Variants in MIA3 observed in about 807,000 individuals in gnomAD.
MIA3 encodes the protein transport and Golgi organization protein 1 homolog.
A neutral mutation model predicts 192.4 loss-of-function variants in MIA3; 90 were observed. That is an observed-to-expected ratio of 0.47 (90% confidence interval 0.39 to 0.56). The LOEUF (loss-of-function observed/expected upper bound fraction) is 0.56. Among genes scored for constraint, MIA3 ranks in the 20% least tolerant of loss-of-function variants. MIA3 has a pLI of 0.00. For synonymous variants in MIA3, 740 were observed against 792.8 expected, an observed-to-expected ratio of 0.93 and a Z score of 1.12; for missense variants, 2,123 against 2,269.4, an observed-to-expected ratio of 0.94 and a Z score of 1.31.
chr1:222,624,727 T>G, intron 2 of MIA3, 41 bp from the exon 3 acceptor site: 1 of 915,624 alleles, frequency 1.1e-6, no homozygotes, highest in Non-Finnish European at 1.8e-6. Flanking sequence ...TCATACAGAA[T>G]TTGATTGATA....
intron 6 of MIA3, chr1:222,644,673 T>C: frequency 1.4e-6 from 2 of 1,404,270 alleles, no homozygotes; most frequent in Non-Finnish European, 2.0e-6. Context: ...TGATTGTCTG[T>C]GCAAAGGAGA....
chr1:222,629,717 A>T lies in MIA3; in HGVS notation c.2497A>T (p.Ser833Cys). 1 of 1,614,220 alleles carries T rather than the reference A, an allele frequency of 6.2e-7. No homozygotes were observed. The highest frequency in any genetic ancestry group is 8.5e-7 in the Non-Finnish European group (1 of 1,180,030). The change falls in exon 4 of 28, where the codon AGC becomes TGC. Residue 833 changes from serine to cysteine, a missense_variant. This residue lies in a region of MIA3 where 1,357 missense variants were observed against 1,396.1 expected (regional missense o/e 0.97). Transcript: ENST00000344922. ...RPFERSDFSDSIKIQTPELGE... is the reference protein window; with the variant it reads ...RPFERSDFSDCIKIQTPELGE... ...ATTTGAACGAAGTGACTTTTCTGAC[A>T]GCATAAAAATTCAGACTCCAGAATT...
rs779009547 is a variant in MIA3 at position 222,629,239 on chromosome 1, G to C, written c.2019G>C (p.Glu673Asp). 4.3e-6 allele frequency: 7 copies of C among 1,614,104 alleles called. No homozygotes were observed. In the African/African-American group the frequency reaches 9.3e-5, roughly 22 times the overall value. Reference sequence around the variant, plus strand: ...CCACAGCCAGTAAGCAAATGAGTGAGAAGATAAGGCTCTCTGAGGGAGAAG... The same window carrying C: ...CCACAGCCAGTAAGCAAATGAGTGACAAGATAAGGCTCTCTGAGGGAGAAG... ...VAATASKQMS[E>D]KIRLSEGEAK... Residue 673 changes from glutamate (E) to aspartate (D), a missense_variant, in exon 4 of 28, where the codon GAG becomes GAC. Physicochemically the swap from Glu to Asp is conservative, Grantham distance 45. This residue lies in a region of MIA3 where 1,357 missense variants were observed against 1,396.1 expected (regional missense o/e 0.97). Transcript: ENST00000344922.
rs1663500980 is a variant in MIA3, at chr1:222,652,606, G to A, written c.4086+274G>A. 6.6e-6 allele frequency among the ~76,000 whole-genome samples: 1 copy of A among 152,196 alleles called. No homozygotes were observed. Among genetic ancestry groups the A allele is most frequent in the African/African-American group, 2.4e-5 (1 of 41,438 alleles). ...GCTATTAACTTGAGTAGCCTCGAGT[G>A]GGTAGTAGATTGGCTTTTTAGACCC... On this transcript the variant is annotated intron_variant, in intron 13 of 27. Transcript: ENST00000344922.
At chr1:222,644,290 G>A in intron 6 of MIA3, 1 of 1,410,134 alleles carries the variant, frequency 7.1e-7, no homozygotes, top group Non-Finnish European at 9.3e-7. Context: ...GTGCGCCAGG[G>A]GCAGTGGCTG....
chr1:222,647,998 G>T, intron 7 of MIA3: 1 of 314,344 alleles, frequency 3.2e-6, no homozygotes, highest in Non-Finnish European at 6.8e-6. Context: ...TTGTGGACTG[G>T]TGTTAGTATC....
Position 222,648,862 on chromosome 1 carries a change from G to T in MIA3, c.3631+12G>T. On this transcript the variant is annotated intron_variant, in intron 8 of 27. Transcript: ENST00000344922. ...TAGAGTATATCAAGGTAAATCTTTAGGCTTTTTTGTTATTTGTACTAGTCC... is the reference window on the plus strand; with the variant it reads ...TAGAGTATATCAAGGTAAATCTTTATGCTTTTTTGTTATTTGTACTAGTCC... 6.9e-7 allele frequency: 1 copy of T among 1,441,890 alleles called. No individual in the cohort carries two copies. The highest frequency in any genetic ancestry group is 9.7e-7 in the Non-Finnish European group (1 of 1,033,636). The allele number at this position is 1,441,890 out of a possible 1,614,324, so 89.3% of individuals were successfully genotyped here.
chr1:222,662,240 T>C lies in MIA3; in HGVS notation c.5183-13T>C. ...TCAGAATAAGTCTACATCAGTTCTC[T>C]GGTCTTTAACAGATCCAGGATCTGG... On this transcript the variant is annotated splice_polypyrimidine_tract_variant and intron_variant, in intron 25 of 27. Transcript: ENST00000344922. 1.2e-6 allele frequency: 2 copies of C among 1,612,318 alleles called. No homozygotes were observed. Among genetic ancestry groups the C allele is most frequent in the Non-Finnish European group, 1.7e-6 (2 of 1,178,386 alleles).
chr1:222,648,792 G>GT, intron 7 of MIA3, 37 bp from the exon 8 acceptor site: 1 of 1,132,596 alleles, frequency 8.8e-7, no homozygotes. Flanking sequence ...TTAATAAAAT[G>GT]TTTGACATCA....
intron 6 of MIA3, among the ~76,000 whole-genome samples, chr1:222,641,075 G>A (rs1662831054): frequency 6.6e-6 from 1 of 152,204 alleles, no homozygotes; most frequent in South Asian, 2.1e-4. Context: ...ATGTGTTGGA[G>A]AAGATGTGGA....
Position 222,628,362 on chromosome 1 carries a change from C to T in MIA3, c.1142C>T (p.Thr381Ile), listed in dbSNP as rs769568368. 2.6e-5 allele frequency: 42 copies of T among 1,613,768 alleles called. 1 individual carries two copies. In the East Asian group the frequency reaches 9.4e-4, roughly 36 times the overall value. ...AAAAATGATGATAAAAATATACTAACAACCTGGGGGGACACTATCTTCTCT... is the reference window on the plus strand; with the variant it reads ...AAAAATGATGATAAAAATATACTAATAACCTGGGGGGACACTATCTTCTCT... The part of the protein sequence containing the change: ...GIKNDDKNIL[T>I]TWGDTIFSIV... The change falls in exon 4 of 28, where the codon ACA becomes ATA. Residue 381 changes from threonine to isoleucine, a missense_variant. Thr to Ile is a moderately conservative substitution (Grantham distance 89, BLOSUM62 -1). Transcript: ENST00000344922.
At chr1:222,639,006 C>A (rs1464894562) in intron 6 of MIA3, among the ~76,000 whole-genome samples, 1 of 152,042 alleles carries the variant, frequency 6.6e-6, no homozygotes, top group Non-Finnish European at 1.5e-5. Flanking sequence ...AACTGATTAA[C>A]CTATAGCCAA....
intron 23 of MIA3, 25 bp downstream of exon 23, chr1:222,660,031 CAACAATCTG>C: frequency 6.3e-7 from 1 of 1,593,836 alleles, no homozygotes; most frequent in Non-Finnish European, 8.6e-7. Flanking sequence ...TTGTAAAGGG[CAACAATCTG>C]TTTTTTGATG....
At chr1:222,621,823 T>TC (rs1440811878) in intron 2 of MIA3, among the ~76,000 whole-genome samples, 2 of 151,296 alleles carry the variant, frequency 1.3e-5, no homozygotes, top group African/African-American at 4.8e-5. Context: ...GTTTTTTTTT[T>TC]TTTGAGGCGG....
At chr1:222,624,484 T>G (rs146551116) in intron 2 of MIA3, among the ~76,000 whole-genome samples, 16 of 152,324 alleles carry the variant, frequency 1.1e-4, no homozygotes, top group Non-Finnish European at 2.2e-4. Context: ...GCAGTTCATC[T>G]CTCCAGTAAA....
At chr1:222,644,171 TG>T in intron 6 of MIA3, 1 of 627,928 alleles carries the variant, frequency 1.6e-6, no homozygotes, top group Non-Finnish European at 2.2e-6. Context: ...CTCTTTTTAC[TG>T]GGATTCTTCC....
At chr1:222,620,478 C>T (rs1163928842) in intron 1 of MIA3, among the ~76,000 whole-genome samples, 1 of 152,150 alleles carries the variant, frequency 6.6e-6, no homozygotes, top group East Asian at 1.9e-4. Context: ...TGGATACAGT[C>T]AACATTATTT....
At position 222,662,323 on chromosome 1, in the gene MIA3, T is replaced by C. The variant is rs374840759; in HGVS notation, c.5253T>C (p.Asp1751=). The C allele has an allele frequency of 2.8e-5, 45 of 1,613,822 alleles. No individual in the cohort carries two copies. The highest frequency in any genetic ancestry group is 6.7e-5 in the Admixed American group (4 of 60,008). Residue 1751 remains aspartate (D), a synonymous_variant, in exon 26 of 28, where the codon GAT becomes GAC. Transcript: ENST00000344922. The stretch of plus-strand genomic sequence containing the variant: ...GCTCTTCCCCTACCAGGGTACTCGA[T>C]GAAGGCAAGGTAAATGCACCCATTT... ...SRGSSPTRVL[D]EGKVNMAPKG...
rs373728694 is a variant in MIA3, at chr1:222,651,955, G to A, written c.3910-22G>A. On this transcript the variant is annotated intron_variant, in intron 11 of 27. Transcript: ENST00000344922. ...CTACTAAAATCCTAATATGCATTTT[G>A]TGTTCTGTTTTTACATGGCAGATAT... The A allele has an allele frequency of 3.0e-5, 40 of 1,345,160 alleles. No homozygotes were observed. In the African/African-American group the frequency reaches 4.8e-4, roughly 16 times the overall value. 83.3% of individuals were successfully genotyped at this position (1,345,160 alleles called of 1,614,324 possible). A position where few individuals can be genotyped will look rare whatever the true frequency, so the allele number is the denominator to read the frequency against.
Sources: allele counts gnomAD v4.1 joint callset (sites outside exome capture counted in the v4.1 genomes callset), GRCh38; gene constraint gnomAD v4.1.1; regional missense constraint gnomAD v4.1.1; transcripts MANE v1.5; gene names NCBI Gene and HGNC (gene_info 2026-07-23, HGNC 2026-07-21).